Variants in SPMIP11 observed in about 807,000 individuals in gnomAD.
The protein encoded by SPMIP11 is sperm microtubule inner protein 11.
chr12:48,750,224 G>C, the SPMIP11 span, among the ~76,000 whole-genome samples: 1 of 152,026 alleles, frequency 6.6e-6, no homozygotes, highest in Non-Finnish European at 1.5e-5. Context: ...ATAGTGGCAC[G>C]CACCTTTAGT....
At chr12:48,744,863 GGAAAA>G in the SPMIP11 span, among the ~76,000 whole-genome samples, 69 of 151,626 alleles carry the variant, frequency 4.6e-4, no homozygotes, top group Middle Eastern at 3.4e-3. Flanking sequence ...AGAAAGAAAA[GGAAAA>G]GAAAAGAAAG....
the SPMIP11 span, among the ~76,000 whole-genome samples, chr12:48,753,088 G>T: frequency 2.0e-5 from 3 of 152,090 alleles, no homozygotes; most frequent in African/African-American, 7.2e-5. Flanking sequence ...TCCTTGCCTT[G>T]TTGTATGAAA....
At chr12:48,735,114 G>A in the SPMIP11 span, among the ~76,000 whole-genome samples, 1 of 151,620 alleles carries the variant, frequency 6.6e-6, no homozygotes, top group East Asian at 1.9e-4. Context: ...CTGAGAGCCA[G>A]CAAGGCATCA....
At chr12:48,741,775 G>A in the SPMIP11 span, among the ~76,000 whole-genome samples, 4,226 of 151,922 alleles carry the variant, frequency 0.028, 204 homozygotes, top group African/African-American at 0.096. Context: ...AAGTAGCTGG[G>A]ACTACAGATG....
At chr12:48,731,244 G>A in the SPMIP11 span, among the ~76,000 whole-genome samples, 39,212 of 152,100 alleles carry the variant, frequency 0.26, 5,539 homozygotes, top group Middle Eastern at 0.32. Flanking sequence ...TGTAATCCCA[G>A]CACTTTGGAA....
At chr12:48,770,713 C>T in the SPMIP11 span, 5,205 of 1,569,428 alleles carry the variant, frequency 3.3e-3, 16 homozygotes, top group Non-Finnish European at 3.7e-3. Context: ...ATAATCCCAG[C>T]TTCACCTGGA....
At chr12:48,753,705 T>TTTC in the SPMIP11 span, among the ~76,000 whole-genome samples, 1 of 142,922 alleles carries the variant, frequency 7.0e-6, no homozygotes, top group African/African-American at 2.6e-5. Flanking sequence ...TTTTTTTTTT[T>TTTC]TTTTTTTCTT....
the SPMIP11 span, chr12:48,770,874 G>T: frequency 1.9e-6 from 3 of 1,614,248 alleles, no homozygotes; most frequent in Non-Finnish European, 8.5e-7. Context: ...CGGCCCACCT[G>T]ATCGTAGGTG....
the SPMIP11 span, among the ~76,000 whole-genome samples, chr12:48,739,339 G>A: frequency 0.014 from 2,066 of 152,144 alleles, 46 homozygotes; most frequent in African/African-American, 0.047. Context: ...CCTTCTCTGG[G>A]TATTGGTTAT....
chr12:48,751,699 C>T, the SPMIP11 span, among the ~76,000 whole-genome samples: 189 of 152,272 alleles, frequency 1.2e-3, no homozygotes, highest in African/African-American at 3.9e-3. Context: ...TCAGTTTCCT[C>T]ACCTATAAAT....
the SPMIP11 span, among the ~76,000 whole-genome samples, chr12:48,732,606 C>T: frequency 6.6e-6 from 1 of 151,750 alleles, no homozygotes; most frequent in Non-Finnish European, 1.5e-5. Flanking sequence ...CCCGTCTCTA[C>T]TAAAAATACA....
chr12:48,753,679 T>C, the SPMIP11 span, among the ~76,000 whole-genome samples: 1 of 149,864 alleles, frequency 6.7e-6, no homozygotes, highest in East Asian at 1.9e-4. Flanking sequence ...GGCTTTTCTT[T>C]ACTTTTTTTT....
At chr12:48,745,033 A>G in the SPMIP11 span, among the ~76,000 whole-genome samples, 5,682 of 152,080 alleles carry the variant, frequency 0.037, 312 homozygotes, top group African/African-American at 0.12. Flanking sequence ...CACTTTGGGA[A>G]GCCGAGGCGG....
At chr12:48,769,792 C>T in the SPMIP11 span, among the ~76,000 whole-genome samples, 5 of 140,420 alleles carry the variant, frequency 3.6e-5, no homozygotes, top group South Asian at 2.3e-4. Flanking sequence ...GACAGAGTCT[C>T]GCTCTGTCAC....
chr12:48,765,420 G>A, the SPMIP11 span, among the ~76,000 whole-genome samples: 8 of 152,102 alleles, frequency 5.3e-5, no homozygotes, highest in South Asian at 2.1e-4. Flanking sequence ...TAGTAGAGAC[G>A]AGGTTTCACC....
the SPMIP11 span, among the ~76,000 whole-genome samples, chr12:48,730,347 G>C: frequency 2.6e-5 from 4 of 152,212 alleles, no homozygotes; most frequent in South Asian, 8.3e-4. Flanking sequence ...CAAACCTGTG[G>C]AATGTAAGGT....
the SPMIP11 span, among the ~76,000 whole-genome samples, chr12:48,736,413 CAAAAAAA>C: frequency 1.4e-5 from 1 of 71,844 alleles, no homozygotes; most frequent in Non-Finnish European, 2.7e-5. Flanking sequence ...GACTCTGTCT[CAAAAAAA>C]AAAAAAAAAA....
chr12:48,758,464 CTTT>C, the SPMIP11 span, among the ~76,000 whole-genome samples: 1 of 152,262 alleles, frequency 6.6e-6, no homozygotes, highest in African/African-American at 2.4e-5. Context: ...TTGCAACCTT[CTTT>C]GATTCAAAAT....
At chr12:48,735,342 T>C in the SPMIP11 span, among the ~76,000 whole-genome samples, 2 of 152,208 alleles carry the variant, frequency 1.3e-5, no homozygotes, top group Non-Finnish European at 2.9e-5. Flanking sequence ...GCACAGTGGC[T>C]CACACCTGTA....
Sources: gnomAD v4.1 joint callset for allele counts (sites outside exome capture counted in the v4.1 genomes callset) on GRCh38, gnomAD v4.1.1 for gene constraint, MANE v1.5 for transcripts, NCBI Gene and HGNC (gene_info 2026-07-23, HGNC 2026-07-21) for gene names.